HPSE2: variants seen among roughly 807,000 people sequenced by gnomAD.
The protein encoded by HPSE2 is heparanase 2 (inactive), also known as inactive heparanase-2.
In HPSE2, 38 loss-of-function variants were observed where a neutral mutation model predicts 60.5. The observed-to-expected ratio is 0.63, with a 90% CI of 0.48 to 0.82. HPSE2 has a LOEUF of 0.82. Ranked by LOEUF, HPSE2 falls within the 40% of genes least tolerant of loss-of-function variation. The probability of loss-of-function intolerance (pLI) is 0.00; values close to 1 mark genes in which losing one functional copy is unlikely to be tolerated. For missense variants in HPSE2, 713 were observed against 740.4 expected (o/e 0.96, Z 0.43); for synonymous variants, 295 against 293.2 (o/e 1.01, Z -0.06).
chr10:98,973,974 G>A (rs1956023146), intron 3 of HPSE2, among the ~76,000 whole-genome samples: 1 of 152,092 alleles, frequency 6.6e-6, no homozygotes, highest in South Asian at 2.1e-4. Flanking sequence ...TTTAAAATAT[G>A]GGGAAGAGTA....
rs146897671 is a variant in HPSE2 at position 98,903,690 on chromosome 10, C to T, written c.611-159634G>A. On this transcript the variant is annotated intron_variant, in intron 3 of 11. Coordinates refer to ENST00000370552, the MANE Select transcript of HPSE2 (RefSeq NM_021828.5). ...TTTGTGATGCTTTCCTGATTTCATT[C>T]ATTCACTTTATCAAATTTATACTGA... 2.7e-3 allele frequency among the ~76,000 whole-genome samples: 409 copies of T among 152,204 alleles called. 3 individuals carry two copies. The highest frequency in any genetic ancestry group is 3.4e-3 in the Non-Finnish European group (232 of 67,966).
chr10:99,249,867 G>C, the HPSE2 span, among the ~76,000 whole-genome samples: 2 of 152,100 alleles, frequency 1.3e-5, no homozygotes, highest in Non-Finnish European at 2.9e-5. Context: ...GTAGTGGCCA[G>C]GTGTGGTGAC....
intron 3 of HPSE2, among the ~76,000 whole-genome samples, chr10:99,094,795 G>A (rs1029362650): frequency 6.6e-6 from 1 of 151,118 alleles, no homozygotes; most frequent in African/African-American, 2.4e-5. Context: ...AACCTCTAGT[G>A]GTCCGCCCAC....
At chr10:98,580,845 T>A (rs1944777109) in intron 9 of HPSE2, among the ~76,000 whole-genome samples, 1 of 148,612 alleles carries the variant, frequency 6.7e-6, no homozygotes, top group African/African-American at 2.5e-5. Flanking sequence ...TATGTGTGTG[T>A]GTGTGTGTGT....
At chr10:98,789,379 G>A (rs1254086110) in intron 3 of HPSE2, among the ~76,000 whole-genome samples, 1 of 152,136 alleles carries the variant, frequency 6.6e-6, no homozygotes, top group Non-Finnish European at 1.5e-5. Flanking sequence ...TTGCAGGATG[G>A]GTTTTTCAAG....
In HPSE2 at chr10:99,069,074, G is replaced by A. The variant is rs779611133; in HGVS notation, c.610+75164C>T. 6.6e-5 allele frequency among the ~76,000 whole-genome samples: 10 copies of A among 152,306 alleles called. No homozygotes were observed. In the South Asian group the frequency reaches 2.1e-3, roughly 32 times the overall value. On this transcript the variant is annotated intron_variant, in intron 3 of 11. Transcript: ENST00000370552. ...TGCCAATCCTTCACAAACTCTTCCA[G>A]TAACTGAAGATGCAGGGAATACTTC... is the stretch of plus-strand genomic sequence containing the variant.
chr10:99,223,926 G>A (rs1849392045), intron 2 of HPSE2, among the ~76,000 whole-genome samples: 1 of 152,206 alleles, frequency 6.6e-6, no homozygotes, highest in South Asian at 2.1e-4. Context: ...AGGGGAGAGG[G>A]AGATGTGTGT....
intron 3 of HPSE2, among the ~76,000 whole-genome samples, chr10:98,758,824 C>A (rs1949940851): frequency 6.6e-6 from 1 of 152,162 alleles, no homozygotes; most frequent in Non-Finnish European, 1.5e-5. Context: ...ACACAGTAAT[C>A]CCTTTACTGG....
intron 7 of HPSE2, among the ~76,000 whole-genome samples, chr10:98,622,904 A>G (rs150151994): frequency 3.3e-4 from 50 of 152,338 alleles, no homozygotes; most frequent in African/African-American, 1.2e-3. Flanking sequence ...AATGCCTTAA[A>G]TAATCAAAAG....
At chr10:99,225,699 G>T (rs2133938605) in intron 2 of HPSE2, among the ~76,000 whole-genome samples, 2 of 152,104 alleles carry the variant, frequency 1.3e-5, no homozygotes, top group African/African-American at 4.8e-5. Flanking sequence ...AAGTGTCATG[G>T]AAGGCCCCTG....
intron 3 of HPSE2, among the ~76,000 whole-genome samples, chr10:98,935,507 T>G (rs528157761): frequency 6.9e-6 from 1 of 144,458 alleles, no homozygotes; most frequent in Non-Finnish European, 1.5e-5. Context: ...TTGTTTTTGC[T>G]TTCTATTTGT....
intron 9 of HPSE2, among the ~76,000 whole-genome samples, chr10:98,507,388 A>T (rs1021407148): frequency 1.3e-5 from 2 of 152,222 alleles, no homozygotes; most frequent in African/African-American, 4.8e-5. Flanking sequence ...TCCTTTAGGA[A>T]GACGACGTTA....
At chr10:99,244,536 T>C in the HPSE2 span, among the ~76,000 whole-genome samples, 3 of 148,858 alleles carry the variant, frequency 2.0e-5, no homozygotes, top group African/African-American at 7.4e-5. Flanking sequence ...CAGCCTTGTG[T>C]AGCTGAGACC....
intron 2 of HPSE2, among the ~76,000 whole-genome samples, chr10:99,218,368 CTGTAACA>C (rs1215004358): frequency 6.6e-6 from 1 of 151,868 alleles, no homozygotes; most frequent in African/African-American, 2.4e-5. Flanking sequence ...TTCAACAAGG[CTGTAACA>C]CAGGAAATCC....
At chr10:98,499,463 G>T (rs943057277) in intron 9 of HPSE2, among the ~76,000 whole-genome samples, 2 of 152,074 alleles carry the variant, frequency 1.3e-5, no homozygotes, top group Non-Finnish European at 2.9e-5. Context: ...AAGAGAATTC[G>T]CCACTACCAA....
chr10:98,936,288 A>C (rs1283511437), intron 3 of HPSE2, among the ~76,000 whole-genome samples: 2 of 143,804 alleles, frequency 1.4e-5, no homozygotes, highest in African/African-American at 5.7e-5. Context: ...CCCTGGCTTC[A>C]TCCCCCTTTC....
intron 11 of HPSE2, among the ~76,000 whole-genome samples, chr10:98,475,242 C>T (rs1024219754): frequency 1.3e-5 from 2 of 151,904 alleles, no homozygotes; most frequent in African/African-American, 2.4e-5. Context: ...CTCATCCTCC[C>T]GAGTAGCTGG....
At chr10:99,076,980 T>C (rs1589617782) in intron 3 of HPSE2, among the ~76,000 whole-genome samples, 1 of 152,316 alleles carries the variant, frequency 6.6e-6, no homozygotes, top group East Asian at 1.9e-4. Flanking sequence ...TTGCCAGGTA[T>C]ACGATTCTTG....
At chr10:99,279,591 G>A in the HPSE2 span, among the ~76,000 whole-genome samples, 1 of 152,178 alleles carries the variant, frequency 6.6e-6, no homozygotes, top group Non-Finnish European at 1.5e-5. Context: ...GTTTTAACAA[G>A]CTCTAAATTT....
Sources: gnomAD v4.1 joint callset for allele counts (sites outside exome capture counted in the v4.1 genomes callset) on GRCh38, gnomAD v4.1.1 for gene constraint, MANE v1.5 for transcripts, NCBI Gene and HGNC (gene_info 2026-07-23, HGNC 2026-07-21) for gene names.